The following SLC24A2 variants were observed in gnomAD, a reference collection of about 807,000 sequenced individuals.
SLC24A2 encodes solute carrier family 24 member 2, also known as sodium/potassium/calcium exchanger 2.
A neutral mutation model predicts 62.0 loss-of-function variants in SLC24A2; 36 were observed. That is an observed-to-expected ratio of 0.58 (90% confidence interval 0.44 to 0.77). The LOEUF is 0.77. Among genes scored for constraint, SLC24A2 ranks in the 30% least tolerant of loss-of-function variants. The pLI, the probability that SLC24A2 is intolerant of heterozygous loss-of-function variation, is 0.00. For missense variants in SLC24A2, 846 were observed against 817.9 expected (o/e 1.03, Z -0.42); for synonymous variants, 358 against 294.0 (o/e 1.22, Z -2.23).
chr9:19,827,851 C>G, the SLC24A2 span, among the ~76,000 whole-genome samples: 1 of 152,098 alleles, frequency 6.6e-6, no homozygotes, highest in African/African-American at 2.4e-5. Context: ...GAGGATGCTA[C>G]CAACTCTGGA....
the SLC24A2 span, among the ~76,000 whole-genome samples, chr9:20,002,320 G>T: frequency 6.7e-6 from 1 of 150,016 alleles, no homozygotes; most frequent in Non-Finnish European, 1.5e-5. Context: ...TTAGAAAAAT[G>T]ATTAGCACTT....
the SLC24A2 span, among the ~76,000 whole-genome samples, chr9:19,850,642 C>A: frequency 0.013 from 2,040 of 152,032 alleles, 18 homozygotes; most frequent in Non-Finnish European, 0.02. Context: ...CAGCCTTAAG[C>A]AACTATGGAT....
intron 2 of SLC24A2, among the ~76,000 whole-genome samples, chr9:19,729,193 C>CAA (rs376113655): frequency 2.1e-3 from 313 of 152,294 alleles, no homozygotes; most frequent in African/African-American, 7.2e-3. Flanking sequence ...AGTATCATTT[C>CAA]ACCCCAGTTA....
chr9:19,763,859 A>G (rs1031392252), intron 2 of SLC24A2, among the ~76,000 whole-genome samples: 3 of 151,868 alleles, frequency 2.0e-5, no homozygotes, highest in African/African-American at 4.8e-5. Context: ...CTCTTTTTCT[A>G]TTGTTTGGAA....
the SLC24A2 span, among the ~76,000 whole-genome samples, chr9:20,229,529 A>T: frequency 1.3e-5 from 2 of 152,278 alleles, no homozygotes; most frequent in Admixed American, 6.5e-5. Context: ...CAACAGAGTG[A>T]CAATGTGCCA....
the SLC24A2 span, among the ~76,000 whole-genome samples, chr9:20,181,985 A>C: frequency 4.6e-5 from 7 of 152,308 alleles, no homozygotes; most frequent in East Asian, 5.8e-4. Flanking sequence ...ACAGACACTT[A>C]TCAAAAGAAG....
chr9:20,173,822 A>G, the SLC24A2 span, among the ~76,000 whole-genome samples: 4 of 151,982 alleles, frequency 2.6e-5, no homozygotes, highest in Non-Finnish European at 5.9e-5. Context: ...ATACCACATC[A>G]TTCTTCACAG....
At chr9:19,517,966 C>T (rs961526272) in intron 10 of SLC24A2, among the ~76,000 whole-genome samples, 8 of 150,988 alleles carry the variant, frequency 5.3e-5, no homozygotes, top group African/African-American at 1.7e-4. Context: ...CACTCTCACA[C>T]TTCTAGTGAA....
the SLC24A2 span, among the ~76,000 whole-genome samples, chr9:19,819,709 T>C: frequency 5.9e-5 from 9 of 151,846 alleles, 1 homozygote; most frequent in Admixed American, 2.6e-4. Context: ...CAACAGTAGA[T>C]GTTGACATGG....
chr9:19,549,427 T>C lies in SLC24A2; in HGVS notation c.1479+710A>G, dbSNP rs769434683. ...TAGGACTGCTTTGGTCAATAGGGCA[T>C]AGCAGAAGTGAATCTATGTAACTTC... On this transcript the variant is annotated intron_variant, in intron 8 of 10. Transcript: ENST00000341998. 2.8e-4 allele frequency among the ~76,000 whole-genome samples: 42 copies of C among 152,336 alleles called. 3 individuals carry two copies. Among genetic ancestry groups the C allele is most frequent in the Admixed American group, 2.0e-3 (30 of 15,300 alleles).
the SLC24A2 span, among the ~76,000 whole-genome samples, chr9:20,150,362 C>T: frequency 6.6e-6 from 1 of 151,960 alleles, no homozygotes; most frequent in Non-Finnish European, 1.5e-5. Context: ...TTACCACATA[C>T]ATCATGGATT....
chr9:20,126,716 T>C, the SLC24A2 span, among the ~76,000 whole-genome samples: 12 of 152,274 alleles, frequency 7.9e-5, no homozygotes, highest in African/African-American at 2.6e-4. Context: ...GTTTTCAGTT[T>C]GACAGTACAA....
chr9:19,683,689 C>T lies in SLC24A2; in HGVS notation c.931-61390G>A, dbSNP rs377613050. Among the ~76,000 whole-genome samples, 27 of 152,136 alleles carry T rather than the reference C, an allele frequency of 1.8e-4. No individual in the cohort carries two copies. In the East Asian group the frequency reaches 2.3e-3, roughly 13 times the overall value. On this transcript the variant is annotated intron_variant, in intron 2 of 10. Coordinates refer to ENST00000341998, the MANE Select transcript of SLC24A2 (RefSeq NM_020344.4). Reference sequence around the variant, plus strand: ...CCAGAGCTTCTGAATTAGCAAGGACCGCTATACCACGTGATGAAAATCTAG... The same window carrying T: ...CCAGAGCTTCTGAATTAGCAAGGACTGCTATACCACGTGATGAAAATCTAG...
chr9:20,197,086 G>A, the SLC24A2 span, among the ~76,000 whole-genome samples: 1 of 152,084 alleles, frequency 6.6e-6, no homozygotes, highest in Non-Finnish European at 1.5e-5. Flanking sequence ...GTGATGGGGG[G>A]ATTCTTTTTG....
chr9:20,152,495 A>C, the SLC24A2 span, among the ~76,000 whole-genome samples: 1 of 151,904 alleles, frequency 6.6e-6, no homozygotes, highest in African/African-American at 2.4e-5. Flanking sequence ...AAATGGAAAG[A>C]AAAGCAAAGA....
the SLC24A2 span, among the ~76,000 whole-genome samples, chr9:19,800,733 C>T: frequency 1.3e-5 from 2 of 152,062 alleles, no homozygotes; most frequent in Non-Finnish European, 2.9e-5. Context: ...TCCCCTATTA[C>T]CCTATTGTTG....
At chr9:20,306,855 C>T in the SLC24A2 span, among the ~76,000 whole-genome samples, 1 of 152,174 alleles carries the variant, frequency 6.6e-6, no homozygotes, top group East Asian at 1.9e-4. Context: ...TGCCACTTCA[C>T]CTGGCTAATT....
At chr9:20,278,614 C>T in the SLC24A2 span, among the ~76,000 whole-genome samples, 1 of 152,198 alleles carries the variant, frequency 6.6e-6, no homozygotes, top group Non-Finnish European at 1.5e-5. Context: ...TTTTCCATAT[C>T]ACTATCAGCA....
the SLC24A2 span, among the ~76,000 whole-genome samples, chr9:20,150,389 G>T: frequency 1.3e-5 from 2 of 151,906 alleles, no homozygotes; most frequent in South Asian, 2.1e-4. Context: ...TCTTCAATCT[G>T]TGACCTATCA....
Sources: allele counts gnomAD v4.1 joint callset (sites outside exome capture counted in the v4.1 genomes callset), GRCh38; gene constraint gnomAD v4.1.1; transcripts MANE v1.5; gene names NCBI Gene and HGNC (gene_info 2026-07-23, HGNC 2026-07-21).